Variants in LRRIQ3 observed in about 807,000 individuals in gnomAD.
LRRIQ3 encodes the protein leucine-rich repeat and IQ domain-containing protein 3.
A neutral mutation model predicts 59.3 loss-of-function variants in LRRIQ3; 75 were observed. The ratio of observed to expected loss-of-function variants is 1.26; its 90% CI spans 1.05 to 1.53. LRRIQ3 has a LOEUF of 1.53. Among genes scored for constraint, LRRIQ3 ranks in the 40% most tolerant of loss-of-function variants. The pLI is 0.00. For synonymous variants in LRRIQ3, 250 were observed against 231.3 expected (o/e 1.08, Z -0.73); for missense variants, 831 against 710.0 (o/e 1.17, Z -1.94).
chr1:74,178,856 C>G (rs1649800500), intron 3 of LRRIQ3, among the ~76,000 whole-genome samples: 1 of 152,054 alleles, frequency 6.6e-6, no homozygotes, highest in South Asian at 2.1e-4. Flanking sequence ...GATTTTTGTT[C>G]TCATCAATCC....
chr1:74,054,754 A>C (rs989507689), intron 6 of LRRIQ3, among the ~76,000 whole-genome samples: 1 of 145,862 alleles, frequency 6.9e-6, no homozygotes, highest in Middle Eastern at 3.6e-3. Flanking sequence ...ATATATATAT[A>C]TATCTATATA....
At chr1:74,061,875 T>C (rs1244183454) in intron 6 of LRRIQ3, among the ~76,000 whole-genome samples, 1 of 151,928 alleles carries the variant, frequency 6.6e-6, no homozygotes, top group East Asian at 1.9e-4. Flanking sequence ...TCTCTACAAA[T>C]AATACAAGTA....
intron 3 of LRRIQ3, chr1:74,180,222 T>C (rs1298538844): frequency 2.6e-5 from 4 of 151,946 alleles, no homozygotes; most frequent in African/African-American, 9.6e-5. Context: ...ATTTTTTTTT[T>C]ACTCTTACCT....
rs763045041 is a variant in LRRIQ3, at chr1:74,026,479, C to T, written c.*334G>A. On this transcript the variant is annotated 3_prime_UTR_variant, in exon 8 of 8. Coordinates refer to ENST00000354431, the MANE Select transcript of LRRIQ3 (RefSeq NM_001105659.2). The stretch of plus-strand genomic sequence containing the variant: ...TACTATTCTAAGGTTTCCAGAAAAA[C>T]CTAAATTAGCTTATGAATTGCTATA... The T allele has an allele frequency of 2.5e-4, 42 of 167,080 alleles. No homozygotes were observed. Among genetic ancestry groups the T allele is most frequent in the Non-Finnish European group, 4.1e-4 (32 of 78,546 alleles). The allele number at this position is 167,080 out of a possible 1,614,324, so 10.3% of individuals were successfully genotyped here.
intron 5 of LRRIQ3, among the ~76,000 whole-genome samples, chr1:74,104,523 A>G (rs886090187): frequency 6.6e-6 from 1 of 151,982 alleles, no homozygotes; most frequent in African/African-American, 2.4e-5. Flanking sequence ...AAGCCACATG[A>G]AAAAGGCATA....
intron 7 of LRRIQ3, among the ~76,000 whole-genome samples, chr1:74,035,790 T>A (rs1483787): frequency 6.6e-6 from 1 of 151,776 alleles, no homozygotes; most frequent in African/African-American, 2.4e-5. Context: ...CTTCATAAAC[T>A]TTCTGCTATA....
At chr1:74,152,583 G>A (rs962957417) in intron 4 of LRRIQ3, among the ~76,000 whole-genome samples, 29 of 152,128 alleles carry the variant, frequency 1.9e-4, no homozygotes, top group African/African-American at 6.5e-4. Flanking sequence ...TGAAAGCAGT[G>A]AATAACCCTC....
At chr1:74,171,857 G>A (rs1334887593) in intron 3 of LRRIQ3, among the ~76,000 whole-genome samples, 1 of 152,042 alleles carries the variant, frequency 6.6e-6, no homozygotes, top group Non-Finnish European at 1.5e-5. Context: ...TTCTTGGGAG[G>A]TTGTATGTTT....
chr1:74,054,686 A>G (rs979512527), intron 6 of LRRIQ3, among the ~76,000 whole-genome samples: 1 of 150,510 alleles, frequency 6.6e-6, no homozygotes, highest in Non-Finnish European at 1.5e-5. Flanking sequence ...CAATTTTGCT[A>G]TGAACAAAAA....
chr1:74,098,119 TAA>T (rs1281604023), intron 5 of LRRIQ3, among the ~76,000 whole-genome samples: 1 of 151,982 alleles, frequency 6.6e-6, no homozygotes, highest in East Asian at 1.9e-4. Context: ...GCAAATTGGA[TAA>T]AGAGTCAAGA....
At chr1:74,137,192 T>C (rs1401807284) in intron 4 of LRRIQ3, among the ~76,000 whole-genome samples, 1 of 151,914 alleles carries the variant, frequency 6.6e-6, no homozygotes, top group East Asian at 1.9e-4. Context: ...ACTCCTATTT[T>C]ATTTGCAACA....
At chr1:74,110,550 A>C (rs1443919782) in intron 4 of LRRIQ3, among the ~76,000 whole-genome samples, 1 of 152,052 alleles carries the variant, frequency 6.6e-6, no homozygotes, top group East Asian at 1.9e-4. Flanking sequence ...CACGGAGGTG[A>C]TTTACCAAAA....
At chr1:74,049,961 T>C (rs986853430) in intron 6 of LRRIQ3, among the ~76,000 whole-genome samples, 2 of 150,690 alleles carry the variant, frequency 1.3e-5, no homozygotes, top group African/African-American at 4.9e-5. Flanking sequence ...TCTCACTCTG[T>C]TGCCCAGGCT....
intron 6 of LRRIQ3, among the ~76,000 whole-genome samples, chr1:74,047,123 C>T (rs1654228420): frequency 6.6e-6 from 1 of 152,114 alleles, no homozygotes; most frequent in Admixed American, 6.6e-5. Context: ...AATCATTCTA[C>T]TATAAAGACA....
chr1:74,163,737 T>C (rs970133918), intron 3 of LRRIQ3, among the ~76,000 whole-genome samples: 10 of 151,748 alleles, frequency 6.6e-5, no homozygotes, highest in African/African-American at 1.9e-4. Context: ...CAAGCTTTTA[T>C]GTGAACATAA....
chr1:74,072,332 T>C (rs1184606323), intron 6 of LRRIQ3, among the ~76,000 whole-genome samples: 1 of 152,120 alleles, frequency 6.6e-6, no homozygotes, highest in Non-Finnish European at 1.5e-5. Flanking sequence ...CATTACTTAC[T>C]GAGGTGAGCT....
intron 7 of LRRIQ3, among the ~76,000 whole-genome samples, chr1:74,032,078 T>C (rs987071618): frequency 3.3e-5 from 5 of 151,940 alleles, no homozygotes; most frequent in African/African-American, 1.2e-4. Context: ...TAAATAAAAT[T>C]ACAATTAATA....
intron 1 of LRRIQ3, among the ~76,000 whole-genome samples, chr1:74,196,768 C>T (rs535747715): frequency 6.6e-6 from 1 of 152,112 alleles, no homozygotes; most frequent in Non-Finnish European, 1.5e-5. Context: ...AACTTCTCAC[C>T]ATTCCCACTG....
At chr1:74,084,479 T>G (rs750479538) in intron 5 of LRRIQ3, among the ~76,000 whole-genome samples, 1 of 151,830 alleles carries the variant, frequency 6.6e-6, no homozygotes, top group Non-Finnish European at 1.5e-5. Flanking sequence ...AATTATTTTC[T>G]TCTATCTCTA....
Sources: gnomAD v4.1 joint callset for allele counts (sites outside exome capture counted in the v4.1 genomes callset) on GRCh38, gnomAD v4.1.1 for gene constraint, MANE v1.5 for transcripts, NCBI Gene and HGNC (gene_info 2026-07-23, HGNC 2026-07-21) for gene names.